Variants in ZFHX3 observed in about 807,000 individuals in gnomAD.
ZFHX3 encodes zinc finger homeobox 3.
In ZFHX3, 42 loss-of-function variants were observed where a neutral mutation model predicts 279.1. The ratio of observed to expected loss-of-function variants is 0.15; its 90% CI spans 0.12 to 0.19. The LOEUF (loss-of-function observed/expected upper bound fraction) is 0.19. Ranked by LOEUF, ZFHX3 falls within the 10% of genes least tolerant of loss-of-function variation. The pLI is 1.00. For synonymous variants in ZFHX3, 2,293 were observed against 1,957.8 expected (o/e 1.17, Z -4.52); for missense variants, 4,981 against 4,754.0 (o/e 1.05, Z -1.40).
chr16:73,300,920 G>A (rs1948437603), intron 4 of ZFHX3, among the ~76,000 whole-genome samples: 1 of 152,230 alleles, frequency 6.6e-6, no homozygotes, highest in South Asian at 2.1e-4. Flanking sequence ...TGGTGGAGAA[G>A]GAGACTGATG....
intron 4 of ZFHX3, among the ~76,000 whole-genome samples, chr16:72,843,547 A>C (rs985892055): frequency 6.8e-6 from 1 of 146,678 alleles, no homozygotes; most frequent in African/African-American, 2.5e-5. Context: ...AAAGCCACAC[A>C]GTGAGGAAAC....
chr16:72,789,654 G>C (rs886228902), intron 9 of ZFHX3: 3 of 152,314 alleles, frequency 2.0e-5, no homozygotes, highest in African/African-American at 7.2e-5. Flanking sequence ...GGAAAGTGTG[G>C]AGGAAGGGCC....
intron 2 of ZFHX3, among the ~76,000 whole-genome samples, chr16:73,536,974 G>A (rs373680474): frequency 4.6e-5 from 7 of 152,026 alleles, no homozygotes; most frequent in Non-Finnish European, 8.8e-5. Context: ...AGTGAGCAGC[G>A]GCCAATCCTA....
At chr16:73,052,413 G>A (rs1431095696), upstream of ZFHX3, among the ~76,000 whole-genome samples, 1 of 151,812 alleles carries the variant, frequency 6.6e-6, no homozygotes, top group Non-Finnish European at 1.5e-5. Flanking sequence ...GGGGCACAAG[G>A]CAGGAAGATA....
chr16:73,161,629 A>T lies in ZFHX3; in HGVS notation c.-1103-17798T>A, dbSNP rs928575649. Among the ~76,000 whole-genome samples the T allele has an allele frequency of 2.0e-5, 3 of 152,168 alleles. No homozygotes were observed. The South Asian group carries it at 6.2e-4, about 32-fold the overall frequency. On this transcript the variant is annotated intron_variant, in intron 5 of 17. Coordinates refer to the ZFHX3 transcript ENST00000641206. ...GTATTCCTGCATTAGCATGATGAGA[A>T]GTGCTTGTTAAACACTGTCTCACCA...
intron 1 of ZFHX3, among the ~76,000 whole-genome samples, chr16:73,833,842 G>T (rs766212629): frequency 2.0e-5 from 3 of 150,180 alleles, no homozygotes; most frequent in Non-Finnish European, 4.5e-5. Flanking sequence ...CCCACCATAT[G>T]TCGGGTACCA....
intron 3 of ZFHX3, among the ~76,000 whole-genome samples, chr16:73,393,343 C>G (rs2017058258): frequency 6.6e-6 from 1 of 152,126 alleles, no homozygotes; most frequent in African/African-American, 2.4e-5. Flanking sequence ...ATGACTGGGC[C>G]CATGACATCC....
At chr16:73,048,924 C>G (rs118161902), upstream of ZFHX3, among the ~76,000 whole-genome samples, 1,552 of 152,288 alleles carry the variant, frequency 0.01, 16 homozygotes, top group Middle Eastern at 0.034. Flanking sequence ...CCATGTAAGC[C>G]TCCAGGCTCC....
intron 1 of ZFHX3, among the ~76,000 whole-genome samples, chr16:73,819,806 C>A (rs1294122077): frequency 6.6e-6 from 1 of 152,084 alleles, no homozygotes; most frequent in Non-Finnish European, 1.5e-5. Flanking sequence ...TAACTTAGTC[C>A]AATGGACTAA....
At chr16:72,792,370 G>T (rs144780149) in intron 9 of ZFHX3, among the ~76,000 whole-genome samples, 290 of 152,258 alleles carry the variant, frequency 1.9e-3, no homozygotes, top group African/African-American at 6.7e-3. Flanking sequence ...CAAGTAGAAC[G>T]GCCATCTTGT....
chr16:73,395,526 C>T (rs749875236), intron 3 of ZFHX3, among the ~76,000 whole-genome samples: 18 of 151,804 alleles, frequency 1.2e-4, no homozygotes, highest in Non-Finnish European at 2.9e-5. Context: ...CTGCACCGTG[C>T]TCTGCTTGTT....
intron 2 of ZFHX3, among the ~76,000 whole-genome samples, chr16:73,496,299 G>A (rs1237023416): frequency 3.3e-5 from 5 of 152,222 alleles, no homozygotes; most frequent in Non-Finnish European, 1.5e-5. Flanking sequence ...GGGAGGCCGA[G>A]GCAGGCAGAT....
At chr16:73,757,560 C>G (rs984781275) in intron 1 of ZFHX3, among the ~76,000 whole-genome samples, 1 of 152,008 alleles carries the variant, frequency 6.6e-6, no homozygotes, top group Non-Finnish European at 1.5e-5. Flanking sequence ...GGGCACCCAC[C>G]AAGGCTAAGC....
intron 5 of ZFHX3, among the ~76,000 whole-genome samples, chr16:73,194,351 C>A (rs972886851): frequency 6.6e-6 from 1 of 152,042 alleles, no homozygotes; most frequent in African/African-American, 2.4e-5. Context: ...AGGCGTGCAC[C>A]ACCACCCCCA....
intron 5 of ZFHX3, among the ~76,000 whole-genome samples, chr16:72,823,908 C>A (rs1567534385): frequency 6.6e-6 from 1 of 152,128 alleles, no homozygotes; most frequent in Non-Finnish European, 1.5e-5. Flanking sequence ...CGTTTCCTCT[C>A]AGCACATACC....
intron 2 of ZFHX3, among the ~76,000 whole-genome samples, chr16:73,466,917 C>T (rs865846526): frequency 2.0e-5 from 3 of 152,044 alleles, no homozygotes; most frequent in Non-Finnish European, 4.4e-5. Context: ...AAAGATGACA[C>T]AGAGCAAAGC....
In ZFHX3 at chr16:73,659,117, G is replaced by A. The variant is rs188055830; in HGVS notation, c.-1547+21063C>T. On this transcript the variant is annotated intron_variant, in intron 2 of 17. Transcript: ENST00000641206. ...TCCATTCTTGCTGAGAAAATCTACC[G>A]AAATATATATGGTTCCCGCAGTATG... Among the ~76,000 whole-genome samples the A allele has an allele frequency of 2.2e-4, 33 of 152,254 alleles. No homozygotes were observed. The Middle Eastern group carries it at 0.024, about 110-fold the overall frequency.
chr16:73,325,890 T>TACACACACACAAACACACACACACAC (rs1358824678), intron 3 of ZFHX3, among the ~76,000 whole-genome samples: 5 of 104,316 alleles, frequency 4.8e-5, no homozygotes, highest in African/African-American at 1.5e-4. Context: ...GGTCTAATAA[T>TACACACACACAAACACACACACACAC]ACACACACAC....
chr16:73,216,397 C>T (rs536714733), intron 5 of ZFHX3, among the ~76,000 whole-genome samples: 1 of 152,330 alleles, frequency 6.6e-6, no homozygotes, highest in Admixed American at 6.5e-5. Flanking sequence ...GGTTCCCGTC[C>T]TCTGGGTTTC....
Sources: allele counts gnomAD v4.1 joint callset (sites outside exome capture counted in the v4.1 genomes callset), GRCh38; gene constraint gnomAD v4.1.1; transcripts MANE v1.5; gene names NCBI Gene and HGNC (gene_info 2026-07-23, HGNC 2026-07-21).